CGRRF1: variants seen among roughly 807,000 people sequenced by gnomAD.
CGRRF1 encodes the protein cell growth regulator with ring finger domain 1.
CGRRF1 carries 32 observed loss-of-function variants against 37.2 expected under a neutral mutation model. That is an observed-to-expected ratio of 0.86 (90% CI 0.65 to 1.16). The LOEUF (loss-of-function observed/expected upper bound fraction) is 1.16, where lower values mean the gene tolerates loss of function less well. Ranked by LOEUF, CGRRF1 falls within the 50% of genes most tolerant of loss-of-function variation. The pLI is 0.00. For synonymous variants in CGRRF1, 141 were observed against 140.3 expected, an observed-to-expected ratio of 1.00 and a Z score of -0.04; for missense variants, 391 against 382.6, an observed-to-expected ratio of 1.02 and a Z score of -0.18.
intron 4 of CGRRF1, among the ~76,000 whole-genome samples, chr14:54,532,596 A>G (rs1028211900): frequency 2.0e-5 from 3 of 152,158 alleles, no homozygotes; most frequent in African/African-American, 7.2e-5. Flanking sequence ...CCTTAAATAT[A>G]TACAATAAAA....
At chr14:54,525,112 C>T (rs148921747) in intron 2 of CGRRF1, among the ~76,000 whole-genome samples, 59 of 152,292 alleles carry the variant, frequency 3.9e-4, no homozygotes, top group South Asian at 2.1e-4. Context: ...ACCTCTGTGG[C>T]CATAGGCTAG....
chr14:54,534,884 TA>T (rs1024632215), intron 4 of CGRRF1, among the ~76,000 whole-genome samples: 2 of 152,112 alleles, frequency 1.3e-5, no homozygotes, highest in East Asian at 1.9e-4. Context: ...CCAGCTAAGT[TA>T]AAAAAAATTT....
At chr14:54,524,385 G>GTT (rs530976044) in intron 2 of CGRRF1, among the ~76,000 whole-genome samples, 2,739 of 131,574 alleles carry the variant, frequency 0.021, 62 homozygotes, top group East Asian at 0.088. Context: ...AAAAATATAT[G>GTT]TTTTTTTTTT....
rs369983181 is a variant in CGRRF1 at position 54,538,205 on chromosome 14, G to T, written c.821G>T (p.Cys274Phe). The change falls in exon 6 of 6, where the codon TGT becomes TTT. Residue 274 changes from cysteine to phenylalanine, a missense_variant. Cys to Phe is a radical substitution (Grantham distance 205). Coordinates refer to ENST00000216420, the MANE Select transcript of CGRRF1 (RefSeq NM_006568.3). ...VEPSEENSKD[C>F]VVCQNGTVNW... ...CCATCGGAAGAGAACAGCAAGGACT[G>T]TGTTGTTTGCCAGAATGGGACTGTG... 6.2e-7 allele frequency: 1 copy of T among 1,614,118 alleles called. No individual in the cohort carries two copies. The highest frequency in any genetic ancestry group is 1.3e-5 in the African/African-American group (1 of 74,942).
intron 1 of CGRRF1, among the ~76,000 whole-genome samples, chr14:54,520,266 G>A (rs1273946647): frequency 1.3e-5 from 2 of 151,880 alleles, no homozygotes; most frequent in East Asian, 1.9e-4. Flanking sequence ...CCACCACCAC[G>A]CCTGGCTAAT....
At chr14:54,529,198 C>T (rs996940805) in intron 2 of CGRRF1, among the ~76,000 whole-genome samples, 7 of 152,044 alleles carry the variant, frequency 4.6e-5, no homozygotes, top group Non-Finnish European at 8.8e-5. Flanking sequence ...TTACAGTTTG[C>T]GCTGCTACAG....
chr14:54,515,239 C>G (rs575192432), intron 1 of CGRRF1, among the ~76,000 whole-genome samples: 1 of 151,732 alleles, frequency 6.6e-6, no homozygotes, highest in South Asian at 2.1e-4. Context: ...CAGGTGTGCA[C>G]TACCATGCCC....
intron 2 of CGRRF1, among the ~76,000 whole-genome samples, chr14:54,523,981 T>C (rs1200612266): frequency 2.6e-5 from 4 of 152,204 alleles, no homozygotes; most frequent in Non-Finnish European, 4.4e-5. Flanking sequence ...TTTCTCTTCT[T>C]CCCCTCACAG....
At chr14:54,519,431 G>A (rs932255645) in intron 1 of CGRRF1, among the ~76,000 whole-genome samples, 2 of 37,714 alleles carry the variant, frequency 5.3e-5, no homozygotes, top group East Asian at 1.4e-3. Flanking sequence ...TTTTTTTTTT[G>A]TAGAGATGGG....
intron 4 of CGRRF1, 77 bp downstream of exon 4, chr14:54,531,127 A>G: frequency 8.3e-7 from 1 of 1,205,798 alleles, no homozygotes; most frequent in Non-Finnish European, 1.2e-6. Flanking sequence ...ATAAATAGAA[A>G]AAGTTTTATT....
At chr14:54,518,918 C>T (rs185292597) in intron 1 of CGRRF1, among the ~76,000 whole-genome samples, 1 of 152,030 alleles carries the variant, frequency 6.6e-6, no homozygotes, top group East Asian at 1.9e-4. Context: ...CAGACCAGGA[C>T]TAGGTTTTTG....
intron 2 of CGRRF1, 32 bp downstream of exon 2, chr14:54,522,625 A>C (rs771655842): frequency 6.4e-7 from 1 of 1,559,722 alleles, no homozygotes; most frequent in Non-Finnish European, 8.7e-7. Context: ...ATTTTCTCTC[A>C]TTGTTTGCCC....
intron 2 of CGRRF1, 48 bp downstream of exon 2, chr14:54,522,641 T>C (rs1267336899): frequency 6.7e-7 from 1 of 1,497,342 alleles, no homozygotes; most frequent in Non-Finnish European, 9.0e-7. Flanking sequence ...TGCCCTCTTT[T>C]TTTAGCCCTT....
chr14:54,526,490 G>T (rs1313842653), intron 2 of CGRRF1, among the ~76,000 whole-genome samples: 5 of 151,894 alleles, frequency 3.3e-5, no homozygotes, highest in Admixed American at 2.0e-4. Context: ...GAAAACCAGA[G>T]AATCGATTTT....
chr14:54,534,442 A>T (rs2032569095), intron 4 of CGRRF1, among the ~76,000 whole-genome samples: 1 of 152,124 alleles, frequency 6.6e-6, no homozygotes, highest in Admixed American at 6.5e-5. Flanking sequence ...GTTAGTATGA[A>T]GTGATAACTA....
chr14:54,510,896 T>C (rs2140051507), intron 1 of CGRRF1, among the ~76,000 whole-genome samples: 1 of 152,300 alleles, frequency 6.6e-6, no homozygotes, highest in African/African-American at 2.4e-5. Context: ...TGATAATAGT[T>C]ACAAAAAGAT....
chr14:54,525,687 A>T (rs1460440561), intron 2 of CGRRF1, among the ~76,000 whole-genome samples: 1 of 152,240 alleles, frequency 6.6e-6, no homozygotes, highest in African/African-American at 2.4e-5. Flanking sequence ...GACATTTAAA[A>T]AAGTTATTTC....
chr14:54,512,290 G>A (rs574306100), intron 1 of CGRRF1, among the ~76,000 whole-genome samples: 102 of 152,148 alleles, frequency 6.7e-4, no homozygotes, highest in Non-Finnish European at 1.2e-3. Flanking sequence ...GAAAAAACAG[G>A]AGCATATGAT....
rs143950400 is a variant in CGRRF1, at chr14:54,535,359, T to TCACACA, written c.571-2333_571-2328dup. Among the ~76,000 whole-genome samples the TCACACA allele has an allele frequency of 5.7e-3, 805 of 140,578 alleles. 6 individuals are homozygous for TCACACA. Among genetic ancestry groups the TCACACA allele is most frequent in the African/African-American group, 0.015 (548 of 37,440 alleles). The allele number at this position is 140,578 out of a possible 152,430, so 92.2% of individuals were successfully genotyped here. On this transcript the variant is annotated intron_variant, in intron 4 of 5. Coordinates refer to ENST00000216420, the MANE Select transcript of CGRRF1 (RefSeq NM_006568.3). ...ACATGAGCATTTTTGAAGGGTATAG[T>TCACACA]CACACACACACACACACACACACAC... is the stretch of plus-strand genomic sequence containing the variant.
Sources: gnomAD v4.1 joint callset for allele counts (sites outside exome capture counted in the v4.1 genomes callset) on GRCh38, gnomAD v4.1.1 for gene constraint, MANE v1.5 for transcripts, NCBI Gene and HGNC (gene_info 2026-07-23, HGNC 2026-07-21) for gene names.